NBEA: variants seen among roughly 807,000 people sequenced by gnomAD.
NBEA encodes lysosomal-trafficking regulator 2.
A neutral mutation model predicts 343.4 loss-of-function variants in NBEA; 44 were observed. The observed-to-expected ratio is 0.13, with a 90% CI of 0.10 to 0.16. NBEA has a LOEUF of 0.16. Ranked by LOEUF, NBEA falls within the 10% of genes least tolerant of loss-of-function variation. The probability of loss-of-function intolerance (pLI) is 1.00; values close to 1 mark genes in which losing one functional copy is unlikely to be tolerated. For missense variants in NBEA, 2,555 were observed against 3,631.3 expected (o/e 0.70, Z 7.62); for synonymous variants, 1,175 against 1,238.7 (o/e 0.95, Z 1.08).
chr13:35,607,548 A>G (rs2153052490), intron 48 of NBEA, among the ~76,000 whole-genome samples: 2 of 152,214 alleles, frequency 1.3e-5, no homozygotes, highest in South Asian at 4.1e-4. Flanking sequence ...GACGCCAAAT[A>G]TATTTTTAAC....
intron 1 of NBEA, among the ~76,000 whole-genome samples, chr13:34,982,402 T>C (rs890335709): frequency 3.3e-5 from 5 of 152,030 alleles, no homozygotes; most frequent in Non-Finnish European, 7.4e-5. Context: ...TGGGTTCAAT[T>C]GAATCTCCTG....
intron 18 of NBEA, among the ~76,000 whole-genome samples, chr13:35,152,733 C>A (rs146954249): frequency 1.3e-5 from 2 of 152,236 alleles, no homozygotes; most frequent in African/African-American, 4.8e-5. Context: ...CTGTCGATTA[C>A]CTGTATTATA....
intron 35 of NBEA, 89 bp downstream of exon 35, chr13:35,290,539 T>G: frequency 1.2e-6 from 1 of 830,382 alleles, no homozygotes; most frequent in Non-Finnish European, 1.9e-6. Context: ...ATGTGTATGT[T>G]TATATATTTT....
At chr13:35,241,294 A>G (rs983969003) in intron 34 of NBEA, among the ~76,000 whole-genome samples, 5 of 151,856 alleles carry the variant, frequency 3.3e-5, no homozygotes, top group African/African-American at 7.2e-5. Context: ...TGGTAACATT[A>G]TGAGACAGAG....
chr13:35,264,653 G>C (rs927720946), intron 34 of NBEA, among the ~76,000 whole-genome samples: 7 of 151,904 alleles, frequency 4.6e-5, no homozygotes, highest in Admixed American at 4.6e-4. Context: ...AAAACCATAT[G>C]ATCATTTGAA....
At chr13:34,963,401 C>T (rs1228566199) in intron 1 of NBEA, among the ~76,000 whole-genome samples, 2 of 152,028 alleles carry the variant, frequency 1.3e-5, no homozygotes, top group Non-Finnish European at 1.5e-5. Context: ...TCTGACTTAT[C>T]TCTTTAAAGG....
chr13:34,988,640 C>T lies in NBEA; in HGVS notation c.294+45526C>T, dbSNP rs553355051. Among the ~76,000 whole-genome samples, 19 of 151,122 alleles carry T rather than the reference C, an allele frequency of 1.3e-4. 1 individual carries two copies. The highest frequency in any genetic ancestry group is 2.0e-4 in the Admixed American group (3 of 15,188). On this transcript the variant is annotated intron_variant, in intron 1 of 58. Transcript: ENST00000379939. The stretch of plus-strand genomic sequence containing the variant: ...TAATCTCCTGTTGTGCCATTTGCTG[C>T]GGACCAGAGCTGTTCCTATTCGGCC...
intron 41 of NBEA, chr13:35,475,537 G>A (rs750152035): frequency 8.1e-6 from 13 of 1,612,832 alleles, no homozygotes; most frequent in Admixed American, 1.7e-5. Context: ...CTTGACCTCC[G>A]CCACCCGGTT....
At chr13:35,266,732 A>T (rs1212585375) in intron 34 of NBEA, among the ~76,000 whole-genome samples, 1 of 151,810 alleles carries the variant, frequency 6.6e-6, no homozygotes, top group Non-Finnish European at 1.5e-5. Context: ...ACAAAATTTC[A>T]ATTAGATAAG....
intron 36 of NBEA, among the ~76,000 whole-genome samples, chr13:35,317,288 TA>T (rs2037808061): frequency 2.6e-5 from 4 of 152,170 alleles, no homozygotes; most frequent in African/African-American, 4.8e-5. Flanking sequence ...GTATAAGGTG[TA>T]AGGAAGGGGT....
intron 34 of NBEA, among the ~76,000 whole-genome samples, chr13:35,281,591 AT>A (rs1392469941): frequency 6.6e-6 from 1 of 152,064 alleles, no homozygotes; most frequent in African/African-American, 2.4e-5. Context: ...TTTACCAATT[AT>A]GTTTTTTCTC....
At chr13:35,352,032 A>G in intron 37 of NBEA, 125 bp from the exon 38 acceptor site, 1 of 482,134 alleles carries the variant, frequency 2.1e-6, no homozygotes, top group Non-Finnish European at 3.3e-6. Flanking sequence ...ACAAAATATC[A>G]AAAGATTACA....
intron 40 of NBEA, among the ~76,000 whole-genome samples, chr13:35,469,665 A>G (rs1387969437): frequency 1.3e-5 from 2 of 152,212 alleles, no homozygotes; most frequent in African/African-American, 2.4e-5. Flanking sequence ...TTTTATTGCT[A>G]TAGTAGTGAT....
At chr13:34,954,320 A>G (rs1342974960) in intron 1 of NBEA, among the ~76,000 whole-genome samples, 1 of 152,136 alleles carries the variant, frequency 6.6e-6, no homozygotes, top group Non-Finnish European at 1.5e-5. Context: ...ACTGCACTAG[A>G]GGCTCTGAAT....
At chr13:35,455,233 ATAGAGAT>A (rs1212184566) in intron 40 of NBEA, among the ~76,000 whole-genome samples, 8 of 152,156 alleles carry the variant, frequency 5.3e-5, no homozygotes, top group Non-Finnish European at 1.0e-4. Context: ...TGACATAGGC[ATAGAGAT>A]AAGCAGATAT....
chr13:35,128,364 A>G (rs921067169), intron 17 of NBEA, among the ~76,000 whole-genome samples: 5 of 152,302 alleles, frequency 3.3e-5, no homozygotes, highest in African/African-American at 1.2e-4. Flanking sequence ...ACATTCATAA[A>G]CTAGAAATTA....
intron 38 of NBEA, among the ~76,000 whole-genome samples, chr13:35,389,572 G>T (rs1254657279): frequency 6.6e-6 from 1 of 151,984 alleles, no homozygotes; most frequent in African/African-American, 2.4e-5. Context: ...TTTTAAATGA[G>T]ATTAGATAGA....
intron 1 of NBEA, among the ~76,000 whole-genome samples, chr13:35,019,407 T>C (rs113812890): frequency 0.019 from 2,905 of 151,818 alleles, 105 homozygotes; most frequent in African/African-American, 0.067. Flanking sequence ...AAGCGATTCT[T>C]GTGCCTCAGG....
At chr13:35,122,394 A>C (rs1206806540) in intron 16 of NBEA, among the ~76,000 whole-genome samples, 4 of 152,168 alleles carry the variant, frequency 2.6e-5, no homozygotes, top group Admixed American at 1.3e-4. Flanking sequence ...GCAGCCATAA[A>C]AAATGATGAG....
Sources: gnomAD v4.1 joint callset for allele counts (sites outside exome capture counted in the v4.1 genomes callset) on GRCh38, gnomAD v4.1.1 for gene constraint, MANE v1.5 for transcripts, NCBI Gene and HGNC (gene_info 2026-07-23, HGNC 2026-07-21) for gene names.